The following RNF13 variants were observed in gnomAD, a reference collection of about 807,000 sequenced individuals.
RNF13 encodes ring finger protein 13.
In RNF13, 19 loss-of-function variants were observed where a neutral mutation model predicts 37.7. The observed-to-expected ratio is 0.50, with a 90% CI of 0.35 to 0.74. RNF13 has a LOEUF of 0.74. RNF13 is among the 30% of genes least tolerant of loss of function. The pLI is 0.01. For missense variants in RNF13, 375 were observed against 453.0 expected (o/e 0.83, Z 1.56); for synonymous variants, 144 against 157.8 (o/e 0.91, Z 0.65).
At chr3:149,867,065 T>G (rs1478963026) in intron 3 of RNF13, among the ~76,000 whole-genome samples, 1 of 152,220 alleles carries the variant, frequency 6.6e-6, no homozygotes, top group African/African-American at 2.4e-5. Context: ...TGATTTTCTG[T>G]CTGGATGATC....
intron 8 of RNF13, among the ~76,000 whole-genome samples, chr3:149,926,432 G>T (rs1456122137): frequency 6.6e-6 from 1 of 152,030 alleles, no homozygotes; most frequent in Non-Finnish European, 1.5e-5. Context: ...GGATGATCTC[G>T]ATCTCCTGAC....
At chr3:149,877,031 C>T (rs1012241684) in intron 4 of RNF13, among the ~76,000 whole-genome samples, 5 of 152,098 alleles carry the variant, frequency 3.3e-5, no homozygotes, top group South Asian at 2.1e-4. Flanking sequence ...CCACCCGCCT[C>T]GGCCTCTCAA....
intron 8 of RNF13, among the ~76,000 whole-genome samples, chr3:149,957,642 A>G (rs1468497276): frequency 6.6e-6 from 1 of 152,170 alleles, no homozygotes; most frequent in African/African-American, 2.4e-5. Flanking sequence ...ACCATGTGAT[A>G]AGTAAGTATG....
At chr3:149,815,030 G>A (rs1308543356) in intron 1 of RNF13, among the ~76,000 whole-genome samples, 1 of 152,046 alleles carries the variant, frequency 6.6e-6, no homozygotes, top group Non-Finnish European at 1.5e-5. Context: ...CTTGGTTTGA[G>A]AGGTATAATA....
intron 3 of RNF13, among the ~76,000 whole-genome samples, chr3:149,854,152 A>G (rs897651002): frequency 6.6e-6 from 1 of 152,014 alleles, no homozygotes; most frequent in African/African-American, 2.4e-5. Flanking sequence ...TCTTAGTAAG[A>G]TACCACAAAC....
intron 8 of RNF13, among the ~76,000 whole-genome samples, chr3:149,923,954 A>G (rs1288839439): frequency 6.6e-6 from 1 of 152,168 alleles, no homozygotes; most frequent in East Asian, 1.9e-4. Context: ...ATAGGTTATT[A>G]GATGGCAAAG....
At chr3:149,864,008 A>ATTTTTTTT (rs535062004) in intron 3 of RNF13, among the ~76,000 whole-genome samples, 14 of 29,692 alleles carry the variant, frequency 4.7e-4, no homozygotes, top group African/African-American at 2.2e-3. Flanking sequence ...TTTGATTGGA[A>ATTTTTTTT]TTTTTTTTTT....
chr3:149,952,113 T>C (rs1172218895), intron 8 of RNF13, among the ~76,000 whole-genome samples: 1 of 152,202 alleles, frequency 6.6e-6, no homozygotes, highest in Non-Finnish European at 1.5e-5. Context: ...AGTTCAAGTC[T>C]ACTAGCAGTA....
At chr3:149,881,019 T>C (rs1157692545) in intron 4 of RNF13, among the ~76,000 whole-genome samples, 1 of 152,180 alleles carries the variant, frequency 6.6e-6, no homozygotes, top group Non-Finnish European at 1.5e-5. Flanking sequence ...ACCTATACGA[T>C]AATAACTTGG....
intron 4 of RNF13, among the ~76,000 whole-genome samples, chr3:149,891,944 C>T (rs1176438287): frequency 6.6e-6 from 1 of 152,182 alleles, no homozygotes. Flanking sequence ...TTTTATAGTT[C>T]ATAAACATGG....
intron 8 of RNF13, among the ~76,000 whole-genome samples, chr3:149,942,427 C>G (rs894015662): frequency 1.5e-4 from 23 of 152,006 alleles, no homozygotes; most frequent in African/African-American, 5.6e-4. Context: ...CAAGCTTATT[C>G]CAAAGTATTT....
chr3:149,946,329 CTTTCAAAGAGTTTCTGTTTTGATT>C (rs1559969367), intron 8 of RNF13, among the ~76,000 whole-genome samples: 1 of 152,170 alleles, frequency 6.6e-6, no homozygotes, highest in Non-Finnish European at 1.5e-5. Flanking sequence ...GATTGCAGTT[CTTTCAAAGAGTTTCTGTTTTGATT>C]CTTTCAAAGA....
At chr3:149,895,434 C>A in intron 4 of RNF13, 39 bp from the exon 5 acceptor site, 1 of 1,243,472 alleles carries the variant, frequency 8.0e-7, no homozygotes, top group South Asian at 1.3e-5. Flanking sequence ...CACTGTCTTC[C>A]TTATAACATA....
chr3:149,936,966 C>A (rs1392774386), intron 8 of RNF13, among the ~76,000 whole-genome samples: 8 of 152,138 alleles, frequency 5.3e-5, no homozygotes, highest in Admixed American at 1.3e-4. Context: ...GGCGCACTGA[C>A]CATCTTGGGT....
chr3:149,834,751 G>T (rs1721418907), intron 1 of RNF13, among the ~76,000 whole-genome samples: 1 of 152,218 alleles, frequency 6.6e-6, no homozygotes, highest in African/African-American at 2.4e-5. Flanking sequence ...AATGGAAGCA[G>T]CTTGAGGTCC....
At chr3:149,920,835 A>G (rs1718050037) in intron 7 of RNF13, among the ~76,000 whole-genome samples, 1 of 111,184 alleles carries the variant, frequency 9.0e-6, no homozygotes, top group African/African-American at 3.3e-5. Flanking sequence ...TATAAAATCT[A>G]TAGTTTACCA....
intron 8 of RNF13, among the ~76,000 whole-genome samples, chr3:149,943,815 T>C (rs116175404): frequency 0.013 from 1,956 of 152,236 alleles, 35 homozygotes; most frequent in African/African-American, 0.044. Context: ...TTTGTCTTTT[T>C]TTTTTTATAT....
At chr3:149,821,777 T>G (rs1720017437) in intron 1 of RNF13, among the ~76,000 whole-genome samples, 1 of 152,194 alleles carries the variant, frequency 6.6e-6, no homozygotes, top group African/African-American at 2.4e-5. Context: ...TCCAAGAGTT[T>G]TATAATTTTA....
At chr3:149,848,614 G>T (rs1053398863) in intron 2 of RNF13, among the ~76,000 whole-genome samples, 1 of 152,206 alleles carries the variant, frequency 6.6e-6, no homozygotes, top group Non-Finnish European at 1.5e-5. Context: ...GTTGATTCTA[G>T]TTCCATTTGC....
Sources: allele counts gnomAD v4.1 joint callset (sites outside exome capture counted in the v4.1 genomes callset), GRCh38; gene constraint gnomAD v4.1.1; transcripts MANE v1.5; gene names NCBI Gene and HGNC (gene_info 2026-07-23, HGNC 2026-07-21).